Variants in CSMD1 observed in about 807,000 individuals in gnomAD.
The protein encoded by CSMD1 is CUB and sushi domain-containing protein 1.
A neutral mutation model predicts 417.5 loss-of-function variants in CSMD1; 213 were observed. That is an observed-to-expected ratio of 0.51 (90% CI 0.46 to 0.57). The LOEUF (loss-of-function observed/expected upper bound fraction) is 0.57. Among genes scored for constraint, CSMD1 ranks in the 20% least tolerant of loss-of-function variants. The probability of loss-of-function intolerance (pLI) is 0.00; values close to 1 mark genes in which losing one functional copy is unlikely to be tolerated. For synonymous variants in CSMD1, 2,862 were observed against 1,736.8 expected, an observed-to-expected ratio of 1.65 and a Z score of -16.11; for missense variants, 6,923 against 4,529.7, an observed-to-expected ratio of 1.53 and a Z score of -15.17.
intron 48 of CSMD1, 76 bp downstream of exon 48, chr8:3,091,440 A>G: frequency 9.1e-7 from 1 of 1,101,606 alleles, no homozygotes; most frequent in Non-Finnish European, 1.3e-6. Flanking sequence ...ATAAATTTCT[A>G]TTTAAATTGT....
chr8:4,560,478 C>T (rs892525742), intron 2 of CSMD1, among the ~76,000 whole-genome samples: 1 of 151,898 alleles, frequency 6.6e-6, no homozygotes, highest in Non-Finnish European at 1.5e-5. Context: ...TTTTAGTAAC[C>T]TATAACTGAA....
chr8:4,776,573 C>T (rs1324690764), intron 1 of CSMD1, among the ~76,000 whole-genome samples: 1 of 152,102 alleles, frequency 6.6e-6, no homozygotes, highest in Non-Finnish European at 1.5e-5. Flanking sequence ...CATTGTTCTC[C>T]ACTTCTGCAT....
At chr8:4,862,190 G>A (rs966947701) in intron 1 of CSMD1, among the ~76,000 whole-genome samples, 4 of 151,978 alleles carry the variant, frequency 2.6e-5, no homozygotes, top group African/African-American at 9.7e-5. Flanking sequence ...ATTGTTCCTT[G>A]AACCTCAACG....
intron 1 of CSMD1, among the ~76,000 whole-genome samples, chr8:4,808,341 C>G (rs1481212539): frequency 2.0e-5 from 3 of 152,150 alleles, no homozygotes; most frequent in East Asian, 1.9e-4. Context: ...CCACCCCTTC[C>G]TGCGACAATC....
At chr8:4,365,113 G>A (rs756831207) in intron 3 of CSMD1, among the ~76,000 whole-genome samples, 2 of 152,114 alleles carry the variant, frequency 1.3e-5, no homozygotes, top group Admixed American at 6.5e-5. Flanking sequence ...AATACTTTAA[G>A]TGTGTAGACA....
chr8:4,415,136 C>G (rs536475471), intron 3 of CSMD1, among the ~76,000 whole-genome samples: 2 of 152,060 alleles, frequency 1.3e-5, no homozygotes, highest in South Asian at 2.1e-4. Context: ...ACTCAATTTT[C>G]TACCCTTCAG....
At chr8:3,381,563 C>G (rs370093770) in intron 18 of CSMD1, among the ~76,000 whole-genome samples, 1 of 151,914 alleles carries the variant, frequency 6.6e-6, no homozygotes, top group Non-Finnish European at 1.5e-5. Context: ...TAATATAGAA[C>G]CCAAAAATAT....
At chr8:3,299,533 T>C (rs1804230012) in intron 25 of CSMD1, among the ~76,000 whole-genome samples, 1 of 150,540 alleles carries the variant, frequency 6.6e-6, no homozygotes, top group Non-Finnish European at 1.5e-5. Flanking sequence ...AAAGCACACA[T>C]CCTCCAACGC....
At chr8:4,282,055 T>C (rs1428149784) in intron 3 of CSMD1, among the ~76,000 whole-genome samples, 11 of 152,218 alleles carry the variant, frequency 7.2e-5, no homozygotes. Flanking sequence ...TTCCCTGGGT[T>C]GTAGCACATT....
At chr8:3,940,223 C>G (rs971555747) in intron 5 of CSMD1, among the ~76,000 whole-genome samples, 10 of 144,520 alleles carry the variant, frequency 6.9e-5, no homozygotes, top group African/African-American at 2.9e-4. Context: ...CACCAAAAAA[C>G]AGAGAAGTTA....
chr8:3,524,338 C>G (rs566723837), intron 10 of CSMD1, among the ~76,000 whole-genome samples: 2 of 151,848 alleles, frequency 1.3e-5, no homozygotes, highest in South Asian at 2.1e-4. Context: ...TGCACACACA[C>G]ATGCACACCC....
chr8:3,294,039 C>T (rs904914928), intron 25 of CSMD1, among the ~76,000 whole-genome samples: 1 of 152,066 alleles, frequency 6.6e-6, no homozygotes, highest in Non-Finnish European at 1.5e-5. Flanking sequence ...AGTTTTCCTT[C>T]TAACAGTCAG....
intron 50 of CSMD1, among the ~76,000 whole-genome samples, chr8:3,049,828 T>C (rs925741703): frequency 2.6e-5 from 4 of 152,054 alleles, no homozygotes; most frequent in Non-Finnish European, 5.9e-5. Context: ...CACTCTGGTG[T>C]GAGGTGTTGA....
chr8:3,029,130 G>A (rs1195842503), intron 51 of CSMD1, among the ~76,000 whole-genome samples, 189 bp downstream of exon 51: 1 of 151,970 alleles, frequency 6.6e-6, no homozygotes. Context: ...TAATCGAGCA[G>A]CAATGTGGTT....
chr8:4,739,462 C>T (rs1810457693), intron 1 of CSMD1, among the ~76,000 whole-genome samples: 1 of 152,180 alleles, frequency 6.6e-6, no homozygotes, highest in Non-Finnish European at 1.5e-5. Context: ...TGAATATTAT[C>T]TAATTGAATT....
intron 3 of CSMD1, among the ~76,000 whole-genome samples, chr8:4,039,969 ACAAAT>A (rs1209855146): frequency 6.6e-6 from 1 of 152,232 alleles, no homozygotes; most frequent in Non-Finnish European, 1.5e-5. Flanking sequence ...AAAAGATATC[ACAAAT>A]CAGGGCACTC....
chr8:4,699,064 G>A (rs1807331803), intron 1 of CSMD1, among the ~76,000 whole-genome samples: 2 of 152,066 alleles, frequency 1.3e-5, no homozygotes, highest in South Asian at 4.1e-4. Context: ...GAAAAAATGT[G>A]CTTTGACGTA....
At chr8:3,543,640 A>G (rs1425925723) in intron 10 of CSMD1, among the ~76,000 whole-genome samples, 5 of 144,444 alleles carry the variant, frequency 3.5e-5, no homozygotes, top group Non-Finnish European at 7.4e-5. Flanking sequence ...AAATAACTGA[A>G]AAAAAAAAAG....
intron 49 of CSMD1, among the ~76,000 whole-genome samples, chr8:3,084,518 C>T (rs1351733744): frequency 1.7e-5 from 2 of 120,376 alleles, no homozygotes; most frequent in Non-Finnish European, 3.4e-5. Flanking sequence ...AAGCAAAACT[C>T]CGTCTCAAAA....
Sources: allele counts gnomAD v4.1 joint callset (sites outside exome capture counted in the v4.1 genomes callset), GRCh38; gene constraint gnomAD v4.1.1; transcripts MANE v1.5; gene names NCBI Gene and HGNC (gene_info 2026-07-23, HGNC 2026-07-21).